CDH15: variants seen among roughly 807,000 people sequenced by gnomAD.
CDH15 encodes the protein cadherin-15.
A neutral mutation model predicts 69.4 loss-of-function variants in CDH15; 73 were observed. The observed-to-expected ratio is 1.05, with a 90% CI of 0.87 to 1.28. CDH15 has a LOEUF of 1.28. CDH15 is among the 50% of genes most tolerant of loss of function. The pLI is 0.00. For missense variants in CDH15, 1,343 were observed against 1,133.6 expected, an observed-to-expected ratio of 1.18 and a Z score of -2.65; for synonymous variants, 624 against 507.7, an observed-to-expected ratio of 1.23 and a Z score of -3.08.
chr16:89,174,850 C>T (rs1329597818), intron 1 of CDH15, among the ~76,000 whole-genome samples: 1 of 152,150 alleles, frequency 6.6e-6, no homozygotes, highest in East Asian at 1.9e-4. Flanking sequence ...GCGTCCCCTA[C>T]CCCAGGTGCA....
chr16:89,173,133 G>C (rs1045272713), intron 1 of CDH15, among the ~76,000 whole-genome samples: 2 of 152,134 alleles, frequency 1.3e-5, no homozygotes, highest in Non-Finnish European at 2.9e-5. Flanking sequence ...AGACAGTGGT[G>C]GGGGGAGACA....
chr16:89,179,650 T>G, intron 2 of CDH15, 76 bp downstream of exon 2: 1 of 1,441,538 alleles, frequency 6.9e-7, no homozygotes, highest in Non-Finnish European at 9.3e-7. Flanking sequence ...TCTCTAAAGG[T>G]CTCCTGGGAG....
rs1486749794 is a variant in CDH15, at chr16:89,190,272, C to T, written c.1008C>T (p.Tyr336=). The T allele has an allele frequency of 9.9e-6, 16 of 1,612,618 alleles. No individual in the cohort carries two copies. The highest frequency in any genetic ancestry group is 1.3e-5 in the Non-Finnish European group (15 of 1,179,898). The change falls in exon 8 of 14, where the codon TAC becomes TAT. Residue 336 remains tyrosine (Y), a synonymous_variant. Transcript: ENST00000289746. ...TGGACTATGAGAGCTGTGAACACTA[C>T]GAACTCAAAGTGTCGGTGCAGAATG... The part of the protein sequence containing the change: ...KALDYESCEH[Y]ELKVSVQNEA...
Position 89,195,252 on chromosome 16 carries a change from C to T in CDH15, c.*97C>T. Reference sequence around the variant, plus strand: ...GTCACCGGGCCCGACCCCCCTGGGCCTGGGGCAGCCTCCTTCCTGTAGGCG... The same window carrying T: ...GTCACCGGGCCCGACCCCCCTGGGCTTGGGGCAGCCTCCTTCCTGTAGGCG... On this transcript the variant is annotated 3_prime_UTR_variant, in exon 14 of 14. Transcript: ENST00000289746. 1 of 1,286,686 alleles carries T rather than the reference C, an allele frequency of 7.8e-7. No homozygotes were observed. Among genetic ancestry groups the T allele is most frequent in the Non-Finnish European group, 1.0e-6 (1 of 962,634 alleles). The allele number at this position is 1,286,686 out of a possible 1,614,324, so 79.7% of individuals were successfully genotyped here. A position where few individuals can be genotyped will look rare whatever the true frequency, so the allele number is the denominator to read the frequency against.
Position 89,192,494 on chromosome 16 carries a change from C to G in CDH15, c.1855+50C>G, listed in dbSNP as rs991493951. On this transcript the variant is annotated intron_variant, in intron 11 of 13. Coordinates refer to ENST00000289746, the MANE Select transcript of CDH15 (RefSeq NM_004933.3). ...TGGACCCTCGGACCCTCGGACCCTC[C>G]TCCCCAGGCCGTCCCCTGCTAACCA... is the stretch of plus-strand genomic sequence containing the variant. 1.3e-5 allele frequency: 20 copies of G among 1,547,492 alleles called. No homozygotes were observed. In the African/African-American group the frequency reaches 2.7e-4, roughly 21 times the overall value.
intron 3 of CDH15, among the ~76,000 whole-genome samples, chr16:89,181,783 A>G (rs1301290707): frequency 6.6e-6 from 1 of 152,050 alleles, no homozygotes; most frequent in East Asian, 1.9e-4. Flanking sequence ...ACTAAAAAAT[A>G]CAAAAGTTAG....
intron 3 of CDH15, 44 bp downstream of exon 3, chr16:89,180,399 G>A: frequency 6.3e-7 from 1 of 1,594,152 alleles, no homozygotes; most frequent in Non-Finnish European, 8.5e-7. Context: ...AAGCAGGCCT[G>A]GTGGAAAGCC....
chr16:89,189,848 G>A (rs1035842813), intron 7 of CDH15, among the ~76,000 whole-genome samples: 2 of 152,342 alleles, frequency 1.3e-5, no homozygotes, highest in South Asian at 4.1e-4. Context: ...TGGAGCCGAC[G>A]CAGCAGTTTA....
chr16:89,193,515 C>G lies in CDH15; in HGVS notation c.1901C>G (p.Ser634Cys), dbSNP rs781675521. 6 of 1,612,034 alleles carry G rather than the reference C, an allele frequency of 3.7e-6. No homozygotes were observed. The African/African-American group carries it at 6.7e-5, about 18-fold the overall frequency. ...VALRARFWKQ[S>C]RGKGLLHGPQ... Reference sequence around the variant, plus strand: ...CTCCGGGCGCGGTTCTGGAAGCAGTCTCGGGGCAAGGGGCTGCTGCACGGC... The same window carrying G: ...CTCCGGGCGCGGTTCTGGAAGCAGTGTCGGGGCAAGGGGCTGCTGCACGGC... Residue 634 changes from serine to cysteine, a missense_variant, in exon 12 of 14, where the codon TCT becomes TGT. Physicochemically the swap from Ser to Cys is moderately radical, Grantham distance 112 (BLOSUM62 -1). Coordinates refer to ENST00000289746, the MANE Select transcript of CDH15 (RefSeq NM_004933.3).
chr16:89,187,581 A>C, intron 6 of CDH15, 24 bp downstream of exon 6: 1 of 1,612,992 alleles, frequency 6.2e-7, no homozygotes, highest in Non-Finnish European at 8.5e-7. Context: ...CCCTCCCTCG[A>C]AAGTAGCCCC....
At chr16:89,186,646 C>T (rs1915495501) in intron 5 of CDH15, among the ~76,000 whole-genome samples, 1 of 139,108 alleles carries the variant, frequency 7.2e-6, no homozygotes, top group Non-Finnish European at 1.6e-5. Context: ...TCACCCAGCG[C>T]ACAGTAGGTG....
At position 89,190,359 on chromosome 16, in the gene CDH15, T is replaced by C. The variant is rs144870071; in HGVS notation, c.1095T>C (p.His365=). 548 of 1,612,862 alleles carry C rather than the reference T, an allele frequency of 3.4e-4. No homozygotes were observed. The African/African-American group carries it at 5.6e-3, about 17-fold the overall frequency. ...AERGQAKVRV[H]VQDTNEPPVF... The stretch of plus-strand genomic sequence containing the variant: ...GGGGCCAGGCCAAGGTCCGCGTGCA[T>C]GTGCAGGACACCAACGAGCCCCCCG... The change falls in exon 8 of 14, where the codon CAT becomes CAC. Residue 365 remains histidine (H), a synonymous_variant. Transcript: ENST00000289746.
intron 1 of CDH15, among the ~76,000 whole-genome samples, chr16:89,177,555 C>T (rs1915285206): frequency 6.6e-6 from 1 of 152,004 alleles, no homozygotes; most frequent in African/African-American, 2.4e-5. Context: ...AGCTCCTAGC[C>T]AGGCCCGGGG....
At chr16:89,190,837 C>T (rs992159723) in intron 8 of CDH15, among the ~76,000 whole-genome samples, 2 of 152,108 alleles carry the variant, frequency 1.3e-5, no homozygotes, top group Admixed American at 1.3e-4. Context: ...CCACGGGGCC[C>T]GGGAAGGGCC....
At chr16:89,174,052 C>T (rs1033025082) in intron 1 of CDH15, among the ~76,000 whole-genome samples, 2 of 152,186 alleles carry the variant, frequency 1.3e-5, no homozygotes, top group African/African-American at 4.8e-5. Context: ...GTGACCAAGG[C>T]CAAGAAGGGA....
At position 89,188,130 on chromosome 16, in the gene CDH15, G is replaced by C; in HGVS notation, c.823G>C (p.Gly275Arg). 1 of 1,613,040 alleles carries C rather than the reference G, an allele frequency of 6.2e-7. No homozygotes were observed. The highest frequency in any genetic ancestry group is 8.5e-7 in the Non-Finnish European group (1 of 1,179,746). Reference protein sequence around the residue: ...FFMEAIEAVSGVDVGRLEVED... With the variant: ...FFMEAIEAVSRVDVGRLEVED... ...CATGGAGGCCATAGAGGCCGTCAGC[G>C]GAGTGGATGTGGGACGCCTGGAAGT... Residue 275 changes from glycine to arginine, a missense_variant, in exon 7 of 14, where the codon GGA (glycine) becomes CGA (arginine). Transcript: ENST00000289746.
intron 5 of CDH15, 35 bp from the exon 6 acceptor site, chr16:89,187,394 C>A (rs1186482584): frequency 1.3e-5 from 21 of 1,610,190 alleles, no homozygotes; most frequent in Admixed American, 1.7e-5. Flanking sequence ...CCCACCTGGG[C>A]CCTCATCTTC....
At chr16:89,191,192 TTGTGTGCA>T (rs1915631993) in intron 8 of CDH15, 130 bp from the exon 9 acceptor site, 9 of 930,454 alleles carry the variant, frequency 9.7e-6, no homozygotes, top group Non-Finnish European at 1.5e-5. Flanking sequence ...TGTGTATATG[TTGTGTGCA>T]TGTGTGCATG....
chr16:89,176,875 C>G (rs1176545512), intron 1 of CDH15, among the ~76,000 whole-genome samples: 2 of 149,894 alleles, frequency 1.3e-5, no homozygotes, highest in African/African-American at 5.1e-5. Flanking sequence ...CCCCCAGCAC[C>G]TCCCACCCGT....
Sources: allele counts gnomAD v4.1 joint callset (sites outside exome capture counted in the v4.1 genomes callset), GRCh38; gene constraint gnomAD v4.1.1; transcripts MANE v1.5; gene names NCBI Gene and HGNC (gene_info 2026-07-23, HGNC 2026-07-21).